ACACB: variants seen among roughly 807,000 people sequenced by gnomAD.
ACACB encodes acetyl-CoA carboxylase beta, also known as acetyl-CoA carboxylase 2.
Under a neutral mutation model 278.8 loss-of-function variants are expected in ACACB, and 209 were observed. The observed-to-expected ratio is 0.75, with a 90% CI of 0.67 to 0.84. The LOEUF (loss-of-function observed/expected upper bound fraction) is 0.84. Among genes scored for constraint, ACACB ranks in the 40% least tolerant of loss-of-function variants. The probability of loss-of-function intolerance (pLI) is 0.00; values close to 1 mark genes in which losing one functional copy is unlikely to be tolerated. For synonymous variants in ACACB, 1,174 were observed against 1,285.6 expected, an observed-to-expected ratio of 0.91 and a Z score of 1.86; for missense variants, 2,850 against 3,269.0, an observed-to-expected ratio of 0.87 and a Z score of 3.13.
At chr12:109,203,454 C>T (rs1355375464) in intron 19 of ACACB, among the ~76,000 whole-genome samples, 2 of 152,240 alleles carry the variant, frequency 1.3e-5, no homozygotes, top group East Asian at 1.9e-4. Context: ...TGCAAACACA[C>T]ACCGTACCTC....
At chr12:109,204,678 A>G (rs1446010644) in intron 19 of ACACB, among the ~76,000 whole-genome samples, 1 of 151,426 alleles carries the variant, frequency 6.6e-6, no homozygotes, top group Non-Finnish European at 1.5e-5. Flanking sequence ...GGCAGCCATC[A>G]CTCTACATTC....
intron 19 of ACACB, among the ~76,000 whole-genome samples, chr12:109,205,486 A>T (rs2045475673): frequency 6.6e-6 from 1 of 150,402 alleles, no homozygotes; most frequent in Non-Finnish European, 1.5e-5. Flanking sequence ...ATTTCACTCC[A>T]TTACCCAGGC....
At chr12:109,120,607 G>A (rs552799255) in intron 1 of ACACB, among the ~76,000 whole-genome samples, 3 of 152,260 alleles carry the variant, frequency 2.0e-5, no homozygotes, top group East Asian at 3.9e-4. Context: ...GTCTCCCAGG[G>A]TTCTGGATGA....
In ACACB at chr12:109,179,143, C is replaced by A; in HGVS notation, c.1493C>A (p.Ala498Asp). Residue 498 changes from alanine to aspartate, a missense_variant, in exon 10 of 53, where the codon GCC becomes GAC. Ala to Asp is a moderately radical substitution (Grantham distance 126, BLOSUM62 -2). This residue lies in a region of ACACB where 2,265 missense variants were observed against 2,561.3 expected (regional missense o/e 0.88). Transcript: ENST00000338432. ...PIFLMKLAQH[A>D]RHLEVQILAD... Reference sequence around the variant, plus strand: ...TTTCTCATGAAGCTGGCCCAGCACGCCCGTCACCTGGAAGTTCAGATCCTC... The same window carrying A: ...TTTCTCATGAAGCTGGCCCAGCACGACCGTCACCTGGAAGTTCAGATCCTC... The A allele has an allele frequency of 6.2e-7, 1 of 1,613,982 alleles. No individual in the cohort carries two copies. Among genetic ancestry groups the A allele is most frequent in the Non-Finnish European group, 8.5e-7 (1 of 1,179,958 alleles).
At chr12:109,224,266 A>C (rs1474322306) in intron 27 of ACACB, among the ~76,000 whole-genome samples, 1 of 151,730 alleles carries the variant, frequency 6.6e-6, no homozygotes, top group Non-Finnish European at 1.5e-5. Flanking sequence ...CCTCATCTAA[A>C]CTTTCTGACT....
At chr12:109,170,931 G>C (rs1165753479) in intron 4 of ACACB, among the ~76,000 whole-genome samples, 4 of 151,766 alleles carry the variant, frequency 2.6e-5, no homozygotes, top group African/African-American at 4.8e-5. Flanking sequence ...CGACCTTCTA[G>C]GCTCAAGTGA....
At position 109,182,690 on chromosome 12, in the gene ACACB, G is replaced by A. The variant is rs549405689; in HGVS notation, c.1818+2603G>A. Among the ~76,000 whole-genome samples, 85 of 152,252 alleles carry A rather than the reference G, an allele frequency of 5.6e-4. 5 individuals are homozygous for A. In the South Asian group the frequency reaches 0.017, roughly 30 times the overall value. Reference sequence around the variant, plus strand: ...CATCCTTGAGCTTCTTATGTATTCTGGTTATTAATCCCTCGTCAGGTGGCT... The same window carrying A: ...CATCCTTGAGCTTCTTATGTATTCTAGTTATTAATCCCTCGTCAGGTGGCT... On this transcript the variant is annotated intron_variant, in intron 11 of 52. Coordinates refer to ENST00000338432, the MANE Select transcript of ACACB (RefSeq NM_001093.4).
Position 109,239,927 on chromosome 12 carries a change from C to A in ACACB, c.4760C>A (p.Thr1587Asn). The change falls in exon 35 of 53, where the codon ACC becomes AAC. Residue 1587 changes from threonine (T) to asparagine (N), a missense_variant. By Grantham distance (65) the Thr-to-Asn change is moderately conservative. This residue lies in a region of ACACB where 2,265 missense variants were observed against 2,561.3 expected (regional missense o/e 0.88). Coordinates refer to ENST00000338432, the MANE Select transcript of ACACB (RefSeq NM_001093.4). Reference sequence around the variant, plus strand: ...GCGTTCAATAACACCAGCGTGCGCACCGACTGCAACCACATCTTCCTCAAC... The same window carrying A: ...GCGTTCAATAACACCAGCGTGCGCAACGACTGCAACCACATCTTCCTCAAC... ...EVAFNNTSVR[T>N]DCNHIFLNFV... 1 of 1,614,208 alleles carries A rather than the reference C, an allele frequency of 6.2e-7. No homozygotes were observed. Among genetic ancestry groups the A allele is most frequent in the South Asian group, 1.1e-5 (1 of 91,082 alleles).
At chr12:109,145,062 G>A (rs768967976) in intron 2 of ACACB, among the ~76,000 whole-genome samples, 10 of 151,914 alleles carry the variant, frequency 6.6e-5, no homozygotes, top group Non-Finnish European at 1.5e-4. Flanking sequence ...CGCCCGGCCC[G>A]CTTCATAGTT....
intron 17 of ACACB, among the ~76,000 whole-genome samples, chr12:109,198,086 C>T (rs144663445): frequency 1.8e-4 from 27 of 151,980 alleles, no homozygotes; most frequent in Admixed American, 4.6e-4. Context: ...TTTGTAGAGA[C>T]GGGGTTTTGC....
intron 41 of ACACB, among the ~76,000 whole-genome samples, chr12:109,250,344 T>A (rs545570483): frequency 1.3e-5 from 2 of 152,084 alleles, no homozygotes; most frequent in Admixed American, 6.5e-5. Flanking sequence ...TAAGGGTAGA[T>A]CTTTAACAGA....
At chr12:109,211,552 C>T (rs1009182564) in intron 21 of ACACB, among the ~76,000 whole-genome samples, 11 of 151,984 alleles carry the variant, frequency 7.2e-5, no homozygotes, top group African/African-American at 2.7e-4. Context: ...GGTGCCCAGC[C>T]CTGTGTGATT....
chr12:109,161,044 T>C (rs2043706730), intron 2 of ACACB, among the ~76,000 whole-genome samples: 1 of 152,140 alleles, frequency 6.6e-6, no homozygotes, highest in Non-Finnish European at 1.5e-5. Context: ...GTGGACAGAA[T>C]GAGGGGTGCG....
intron 49 of ACACB, chr12:109,263,032 G>A (rs1183261900): frequency 7.2e-6 from 1 of 139,062 alleles, no homozygotes; most frequent in African/African-American, 2.5e-5. Flanking sequence ...AGCAATTGAA[G>A]TATTTGGGGC....
chr12:109,123,968 T>C (rs184760997), intron 1 of ACACB, among the ~76,000 whole-genome samples: 2 of 152,050 alleles, frequency 1.3e-5, no homozygotes, highest in Non-Finnish European at 2.9e-5. Flanking sequence ...GGATTATAGA[T>C]GTGAGCCACT....
chr12:109,185,210 C>A (rs1269210391), intron 11 of ACACB, among the ~76,000 whole-genome samples: 2 of 152,144 alleles, frequency 1.3e-5, no homozygotes, highest in African/African-American at 4.8e-5. Context: ...GTCCAGTTTC[C>A]CCTTCGGGTG....
intron 11 of ACACB, among the ~76,000 whole-genome samples, chr12:109,180,729 C>T (rs1354560969): frequency 6.6e-6 from 1 of 151,744 alleles, no homozygotes; most frequent in Non-Finnish European, 1.5e-5. Context: ...CCTCCGCCTC[C>T]CAGGCATACA....
intron 18 of ACACB, among the ~76,000 whole-genome samples, chr12:109,200,153 C>T (rs2045287281): frequency 6.6e-6 from 1 of 151,592 alleles, no homozygotes; most frequent in Non-Finnish European, 1.5e-5. Flanking sequence ...CATAACTGTT[C>T]TATAAACTGT....
chr12:109,209,479 C>A, intron 21 of ACACB, 126 bp downstream of exon 21: 2 of 954,360 alleles, frequency 2.1e-6, no homozygotes, highest in Non-Finnish European at 3.1e-6. Flanking sequence ...CCTAACATAT[C>A]AGGGGCCGAG....
Sources: allele counts gnomAD v4.1 joint callset (sites outside exome capture counted in the v4.1 genomes callset), GRCh38; gene constraint gnomAD v4.1.1; regional missense constraint gnomAD v4.1.1; transcripts MANE v1.5; gene names NCBI Gene and HGNC (gene_info 2026-07-23, HGNC 2026-07-21).